Variants in GPM6A observed in about 807,000 individuals in gnomAD.
GPM6A encodes the protein neuronal membrane glycoprotein M6-a.
GPM6A carries 7 observed loss-of-function variants against 32.1 expected under a neutral mutation model. That is an observed-to-expected ratio of 0.22 (90% CI 0.12 to 0.41). The LOEUF (loss-of-function observed/expected upper bound fraction) is 0.41. Among genes scored for constraint, GPM6A ranks in the 10% least tolerant of loss-of-function variants. The pLI is 1.00. For synonymous variants in GPM6A, 130 were observed against 123.4 expected, an observed-to-expected ratio of 1.05 and a Z score of -0.35; for missense variants, 235 against 347.2, an observed-to-expected ratio of 0.68 and a Z score of 2.57.
At chr4:175,760,407 C>T (rs1732692921) in intron 1 of GPM6A, among the ~76,000 whole-genome samples, 1 of 151,916 alleles carries the variant, frequency 6.6e-6, no homozygotes, top group Non-Finnish European at 1.5e-5. Context: ...TATAAGAAGG[C>T]ATCTGAGAAA....
intron 1 of GPM6A, among the ~76,000 whole-genome samples, chr4:175,943,576 G>T (rs1739486691): frequency 6.6e-6 from 1 of 152,118 alleles, no homozygotes; most frequent in Admixed American, 6.5e-5. Context: ...TTTATTCAAA[G>T]ATTTTAGCAT....
chr4:175,786,785 A>C (rs1256208321), intron 1 of GPM6A: 1 of 153,400 alleles, frequency 6.5e-6, no homozygotes, highest in East Asian at 1.9e-4. Flanking sequence ...TCTCTAATCC[A>C]TTCTGCACAA....
chr4:175,880,248 C>A (rs1737227312), intron 1 of GPM6A, among the ~76,000 whole-genome samples: 1 of 152,138 alleles, frequency 6.6e-6, no homozygotes. Context: ...TGGTGTATAT[C>A]TCTGTTTTGG....
chr4:175,714,791 T>C (rs973262122), intron 1 of GPM6A, among the ~76,000 whole-genome samples: 3 of 152,148 alleles, frequency 2.0e-5, no homozygotes, highest in African/African-American at 7.2e-5. Flanking sequence ...AGAAATATAT[T>C]ACTAATTACA....
intron 2 of GPM6A, among the ~76,000 whole-genome samples, chr4:175,691,671 G>C (rs193068650): frequency 3.3e-5 from 5 of 152,218 alleles, no homozygotes; most frequent in African/African-American, 9.6e-5. Flanking sequence ...CTTTTGTTCA[G>C]TGGTAGGAAG....
intron 1 of GPM6A, among the ~76,000 whole-genome samples, chr4:175,741,319 C>T (rs537208336): frequency 6.6e-6 from 1 of 151,978 alleles, no homozygotes; most frequent in African/African-American, 2.4e-5. Context: ...TCTATTCTGC[C>T]TCTTCATCCC....
chr4:175,831,268 C>G (rs976069030), intron 1 of GPM6A, among the ~76,000 whole-genome samples: 4 of 151,932 alleles, frequency 2.6e-5, no homozygotes, highest in Non-Finnish European at 4.4e-5. Context: ...CTGAAGACAC[C>G]AAGAAAGGGA....
upstream of GPM6A, chr4:176,002,375 G>A: frequency 1.3e-6 from 2 of 1,560,996 alleles, no homozygotes; most frequent in South Asian, 2.4e-5. Context: ...GCTGCGCGGG[G>A]CCAAGTTCTC....
intron 4 of GPM6A, among the ~76,000 whole-genome samples, chr4:175,644,659 T>C (rs1741351146): frequency 6.6e-6 from 1 of 152,104 alleles, no homozygotes; most frequent in South Asian, 2.1e-4. Flanking sequence ...ATGGCCAAAT[T>C]GTTCTCACCA....
At chr4:175,915,445 T>C (rs1050351918) in intron 1 of GPM6A, among the ~76,000 whole-genome samples, 27 of 152,130 alleles carry the variant, frequency 1.8e-4, no homozygotes, top group African/African-American at 6.3e-4. Flanking sequence ...CACCAGCACA[T>C]GCGGCTAATT....
At chr4:175,660,332 C>T (rs183765671) in intron 3 of GPM6A, among the ~76,000 whole-genome samples, 3 of 151,326 alleles carry the variant, frequency 2.0e-5, no homozygotes, top group South Asian at 2.1e-4. Context: ...TTCAGTGAGC[C>T]GAGATTGTGC....
At chr4:175,874,391 C>T (rs1002523850) in intron 1 of GPM6A, among the ~76,000 whole-genome samples, 58 of 152,142 alleles carry the variant, frequency 3.8e-4, no homozygotes, top group African/African-American at 1.3e-3. Context: ...CTACAGCCAA[C>T]GGGGTTCTGG....
At position 175,755,866 on chromosome 4, in the gene GPM6A, G is replaced by A. The variant is rs931170716; in HGVS notation, c.38-54099C>T. On this transcript the variant is annotated intron_variant, in intron 1 of 6. Transcript: ENST00000393658. ...GCTTCTGTGTGTCAGTGACTACAAC[G>A]ATCTCAGGAGATTTGGAAAGAGTAA... is the stretch of plus-strand genomic sequence containing the variant. Among the ~76,000 whole-genome samples the A allele has an allele frequency of 3.9e-5, 6 of 152,090 alleles. 1 individual carries two copies. Among genetic ancestry groups the A allele is most frequent in the African/African-American group, 9.7e-5 (4 of 41,424 alleles).
At chr4:175,832,180 A>G (rs1424503920) in intron 1 of GPM6A, among the ~76,000 whole-genome samples, 35 of 152,090 alleles carry the variant, frequency 2.3e-4, no homozygotes, top group African/African-American at 8.0e-4. Flanking sequence ...CCTTTCTCAA[A>G]GAATTCAGGA....
intron 1 of GPM6A, among the ~76,000 whole-genome samples, chr4:175,761,650 G>A (rs556408495): frequency 6.6e-6 from 1 of 151,734 alleles, no homozygotes; most frequent in East Asian, 1.9e-4. Flanking sequence ...ATACTAAAAG[G>A]TTTTTTAAAG....
At chr4:175,781,247 T>C (rs1733603782) in intron 1 of GPM6A, 1 of 152,176 alleles carries the variant, frequency 6.6e-6, no homozygotes, top group Admixed American at 6.5e-5. Context: ...CAAATGCTTC[T>C]ATCAGAGGCC....
intron 1 of GPM6A, among the ~76,000 whole-genome samples, chr4:175,908,873 A>C (rs1270452559): frequency 6.6e-6 from 1 of 152,244 alleles, no homozygotes; most frequent in East Asian, 1.9e-4. Context: ...TGCAAGAATA[A>C]TTACTAGAAA....
intron 1 of GPM6A, among the ~76,000 whole-genome samples, chr4:175,905,886 T>C (rs927826143): frequency 6.6e-6 from 1 of 152,182 alleles, no homozygotes; most frequent in Non-Finnish European, 1.5e-5. Flanking sequence ...TGTAGACTTT[T>C]ACTAAATATC....
chr4:175,805,102 G>A (rs1423610193), intron 1 of GPM6A, among the ~76,000 whole-genome samples: 1 of 151,532 alleles, frequency 6.6e-6, no homozygotes, highest in African/African-American at 2.4e-5. Context: ...ACCAACACAG[G>A]AAATGTGTAG....
Sources: gnomAD v4.1 joint callset for allele counts (sites outside exome capture counted in the v4.1 genomes callset) on GRCh38, gnomAD v4.1.1 for gene constraint, MANE v1.5 for transcripts, NCBI Gene and HGNC (gene_info 2026-07-23, HGNC 2026-07-21) for gene names.